ERBB4: variants seen among roughly 807,000 people sequenced by gnomAD.
ERBB4 encodes erb-b2 receptor tyrosine kinase 4, also known as receptor tyrosine-protein kinase erbB-4.
In ERBB4, 42 loss-of-function variants were observed where a neutral mutation model predicts 158.0. The observed-to-expected ratio is 0.27, with a 90% CI of 0.21 to 0.34. The LOEUF (loss-of-function observed/expected upper bound fraction) is 0.34, where lower values mean the gene tolerates loss of function less well. Among genes scored for constraint, ERBB4 ranks in the 10% least tolerant of loss-of-function variants. The probability of loss-of-function intolerance (pLI) is 1.00; values close to 1 mark genes in which losing one functional copy is unlikely to be tolerated. For synonymous variants in ERBB4, 583 were observed against 558.7 expected, an observed-to-expected ratio of 1.04 and a Z score of -0.61; for missense variants, 1,333 against 1,624.1, an observed-to-expected ratio of 0.82 and a Z score of 3.08.
chr2:211,907,737 G>T (rs1158644705), intron 3 of ERBB4, among the ~76,000 whole-genome samples: 1 of 151,386 alleles, frequency 6.6e-6, no homozygotes, highest in East Asian at 2.0e-4. Context: ...AAAGTTGAGG[G>T]ACTTAGGTAG....
chr2:211,801,692 GA>G (rs1004512763), intron 3 of ERBB4, among the ~76,000 whole-genome samples: 1 of 152,024 alleles, frequency 6.6e-6, no homozygotes, highest in Admixed American at 6.5e-5. Flanking sequence ...TAAAATAAGA[GA>G]AAATATTTTT....
rs10585346 is a variant in ERBB4 at position 211,378,887 on chromosome 2, C to CT, written c.*4727dup. The CT allele has an allele frequency of 2.8e-3, 605 of 219,026 alleles. No individual in the cohort carries two copies. Among genetic ancestry groups the CT allele is most frequent in the Middle Eastern group, 4.2e-3 (3 of 720 alleles). The allele number at this position is 219,026 out of a possible 1,614,324, so 13.6% of individuals were successfully genotyped here. On this transcript the variant is annotated 3_prime_UTR_variant, in exon 28 of 28. Coordinates refer to ENST00000342788, the MANE Select transcript of ERBB4 (RefSeq NM_005235.3). ...ACAGTAGAAGTTAATTTATCTGTTTCTTTTTTTTTTTTTAACAACTAGAAG... is the reference window on the plus strand; with the variant it reads ...ACAGTAGAAGTTAATTTATCTGTTTCTTTTTTTTTTTTTTAACAACTAGAAG...
chr2:212,169,782 G>A (rs896624532), intron 1 of ERBB4, among the ~76,000 whole-genome samples: 3 of 152,080 alleles, frequency 2.0e-5, no homozygotes, highest in African/African-American at 7.2e-5. Context: ...GAGATCTGAT[G>A]ATTTATCAAG....
intron 1 of ERBB4, among the ~76,000 whole-genome samples, chr2:212,206,781 G>A (rs2082771867): frequency 6.6e-6 from 1 of 151,416 alleles, no homozygotes; most frequent in South Asian, 2.1e-4. Flanking sequence ...GTAGAGACGG[G>A]GTTTCACCGT....
rs529934746 is a variant in ERBB4 at position 211,650,106 on chromosome 2, T to C, written c.1946+7648A>G. Among the ~76,000 whole-genome samples the C allele has an allele frequency of 5.0e-4, 76 of 152,134 alleles. No homozygotes were observed. The South Asian group carries it at 0.015, about 31-fold the overall frequency. Reference sequence around the variant, plus strand: ...CAGAAGGGGGTCTCAGTTAATTATATTCCCCTAGTTAGATAGAAAATATGA... The same window carrying C: ...CAGAAGGGGGTCTCAGTTAATTATACTCCCCTAGTTAGATAGAAAATATGA... On this transcript the variant is annotated intron_variant, in intron 16 of 27. Coordinates refer to ENST00000342788, the MANE Select transcript of ERBB4 (RefSeq NM_005235.3).
At chr2:212,417,888 G>C (rs953304435) in intron 1 of ERBB4, among the ~76,000 whole-genome samples, 1 of 151,794 alleles carries the variant, frequency 6.6e-6, no homozygotes, top group Non-Finnish European at 1.5e-5. Context: ...AACTCCCATG[G>C]GATAGTATTA....
intron 1 of ERBB4, among the ~76,000 whole-genome samples, chr2:212,194,581 C>T (rs1305040653): frequency 6.6e-6 from 1 of 151,950 alleles, no homozygotes; most frequent in African/African-American, 2.4e-5. Flanking sequence ...TAGCAGTTTG[C>T]TTAATAATGC....
rs559966182 is a variant in ERBB4 at position 212,044,589 on chromosome 2, C to T, written c.234+80163G>A. Reference sequence around the variant, plus strand: ...TACAATAAATTTTAACATCTACTAGCTTTTATAACACTTTCTTTTACATTC... The same window carrying T: ...TACAATAAATTTTAACATCTACTAGTTTTTATAACACTTTCTTTTACATTC... On this transcript the variant is annotated intron_variant, in intron 2 of 27. Transcript: ENST00000342788. Among the ~76,000 whole-genome samples the T allele has an allele frequency of 1.3e-3, 204 of 152,206 alleles. 1 individual carries two copies. The highest frequency in any genetic ancestry group is 2.4e-3 in the Non-Finnish European group (162 of 68,004).
intron 20 of ERBB4, among the ~76,000 whole-genome samples, chr2:211,519,744 A>G (rs1223846668): frequency 1.3e-5 from 2 of 152,178 alleles, no homozygotes; most frequent in Non-Finnish European, 2.9e-5. Context: ...TTGCATTTCT[A>G]ATTGCATCAT....
chr2:211,740,622 CT>C (rs1169540948), intron 5 of ERBB4, among the ~76,000 whole-genome samples: 6,940 of 90,070 alleles, frequency 0.077, 150 homozygotes, highest in African/African-American at 0.22. Context: ...TTTTCTTTGT[CT>C]TTTTTTTTTT....
chr2:211,729,070 T>C (rs529500789), intron 5 of ERBB4, among the ~76,000 whole-genome samples: 1 of 151,820 alleles, frequency 6.6e-6, no homozygotes, highest in Non-Finnish European at 1.5e-5. Context: ...TGTGGAACTA[T>C]TAAAATATTT....
chr2:212,075,353 C>T (rs566683030), intron 2 of ERBB4, among the ~76,000 whole-genome samples: 1 of 151,762 alleles, frequency 6.6e-6, no homozygotes, highest in South Asian at 2.1e-4. Context: ...ATATTTAATA[C>T]ATGCAATGTA....
intron 2 of ERBB4, among the ~76,000 whole-genome samples, chr2:212,023,382 G>A (rs1205839936): frequency 6.6e-6 from 1 of 151,994 alleles, no homozygotes; most frequent in East Asian, 1.9e-4. Context: ...ACACACCTAT[G>A]AGATGATATT....
At chr2:211,497,641 C>A (rs1394470250) in intron 20 of ERBB4, among the ~76,000 whole-genome samples, 9 of 151,882 alleles carry the variant, frequency 5.9e-5, no homozygotes, top group Non-Finnish European at 1.3e-4. Flanking sequence ...GAGTTTAAGG[C>A]AAGAAAAATT....
At chr2:212,168,068 TAAAA>T (rs10594490) in intron 1 of ERBB4, among the ~76,000 whole-genome samples, 19 of 149,566 alleles carry the variant, frequency 1.3e-4, no homozygotes, top group Middle Eastern at 3.5e-3. Context: ...AAATTAAAAT[TAAAA>T]AAAAAAAAAA....
At chr2:211,769,412 C>G (rs1386435958) in intron 4 of ERBB4, among the ~76,000 whole-genome samples, 3 of 152,138 alleles carry the variant, frequency 2.0e-5, no homozygotes, top group African/African-American at 4.8e-5. Flanking sequence ...TTCCACATTT[C>G]CAGGTATTTT....
intron 19 of ERBB4, among the ~76,000 whole-genome samples, chr2:211,599,343 C>T (rs918905920): frequency 1.3e-5 from 2 of 152,090 alleles, no homozygotes; most frequent in African/African-American, 4.8e-5. Context: ...TCAAAGAAAT[C>T]TCTGAATGGA....
At chr2:212,286,267 A>C (rs1276195640) in intron 1 of ERBB4, among the ~76,000 whole-genome samples, 2 of 152,162 alleles carry the variant, frequency 1.3e-5, no homozygotes, top group African/African-American at 4.8e-5. Flanking sequence ...GAAGGAAATT[A>C]TTTTTTAAAA....
rs79703246 is a variant in ERBB4 at position 212,089,963 on chromosome 2, T to C, written c.234+34789A>G. Reference sequence around the variant, plus strand: ...AGCAGCCTAGTACAAGGTGTGCTTATAAAATGTCTACCAGGCCTTCATTAT... The same window carrying C: ...AGCAGCCTAGTACAAGGTGTGCTTACAAAATGTCTACCAGGCCTTCATTAT... On this transcript the variant is annotated intron_variant, in intron 2 of 27. Coordinates refer to ENST00000342788, the MANE Select transcript of ERBB4 (RefSeq NM_005235.3). Among the ~76,000 whole-genome samples the C allele has an allele frequency of 7.9e-3, 1,203 of 152,256 alleles. 12 individuals carry two copies. Among genetic ancestry groups the C allele is most frequent in the African/African-American group, 0.027 (1,104 of 41,548 alleles).
Sources: allele counts gnomAD v4.1 joint callset (sites outside exome capture counted in the v4.1 genomes callset), GRCh38; gene constraint gnomAD v4.1.1; transcripts MANE v1.5; gene names NCBI Gene and HGNC (gene_info 2026-07-23, HGNC 2026-07-21).